Variants in RNF111 observed in about 807,000 individuals in gnomAD.
The protein encoded by RNF111 is E3 ubiquitin-protein ligase Arkadia.
In RNF111, 17 loss-of-function variants were observed where a neutral mutation model predicts 95.1. The observed-to-expected ratio is 0.18, with a 90% CI of 0.12 to 0.27. The LOEUF (loss-of-function observed/expected upper bound fraction) is 0.27. Ranked by LOEUF, RNF111 falls within the 10% of genes least tolerant of loss-of-function variation. RNF111 has a pLI of 1.00. For synonymous variants in RNF111, 440 were observed against 414.8 expected, an observed-to-expected ratio of 1.06 and a Z score of -0.74; for missense variants, 1,189 against 1,210.4, an observed-to-expected ratio of 0.98 and a Z score of 0.26.
intron 6 of RNF111, among the ~76,000 whole-genome samples, chr15:59,075,448 G>T (rs1430695400): frequency 1.3e-5 from 2 of 152,174 alleles, no homozygotes; most frequent in East Asian, 3.8e-4. Context: ...GAATAATGTA[G>T]ATTTGTTTAT....
At chr15:59,078,375 G>A (rs1195434778) in intron 7 of RNF111, among the ~76,000 whole-genome samples, 2 of 152,044 alleles carry the variant, frequency 1.3e-5, no homozygotes, top group African/African-American at 2.4e-5. Flanking sequence ...TTAATAAGAT[G>A]TATTGAGAAG....
intron 1 of RNF111, among the ~76,000 whole-genome samples, chr15:59,007,257 C>T (rs908161026): frequency 1.3e-5 from 2 of 151,898 alleles, no homozygotes; most frequent in African/African-American, 4.8e-5. Context: ...GAAGACACAA[C>T]CAATGTTCAA....
chr15:59,089,644 G>A, intron 10 of RNF111, 23 bp from the exon 11 acceptor site: 1 of 1,536,844 alleles, frequency 6.5e-7, no homozygotes, highest in East Asian at 2.2e-5. Flanking sequence ...AATTGATTTA[G>A]CCTATCTCTT....
chr15:59,043,622 T>C (rs1655841612), intron 2 of RNF111, among the ~76,000 whole-genome samples: 1 of 152,202 alleles, frequency 6.6e-6, no homozygotes, highest in Non-Finnish European at 1.5e-5. Flanking sequence ...GTATTTGCTA[T>C]TGTGAAAATG....
intron 2 of RNF111, among the ~76,000 whole-genome samples, chr15:59,041,236 T>A (rs1226821576): frequency 3.9e-5 from 6 of 152,198 alleles, no homozygotes; most frequent in Admixed American, 1.3e-4. Context: ...GACTTTTTTT[T>A]ATTATTTTAA....
At chr15:59,013,324 A>G (rs1412857740) in intron 1 of RNF111, among the ~76,000 whole-genome samples, 2 of 152,208 alleles carry the variant, frequency 1.3e-5, no homozygotes, top group African/African-American at 4.8e-5. Context: ...AGAGACCCAC[A>G]TTGATACATC....
intron 2 of RNF111, 137 bp downstream of exon 2, chr15:59,031,839 A>G: frequency 1.3e-6 from 1 of 760,678 alleles, no homozygotes; most frequent in Non-Finnish European, 2.1e-6. Flanking sequence ...CATATAAATT[A>G]CCAATTGCAG....
intron 3 of RNF111, among the ~76,000 whole-genome samples, chr15:59,052,732 C>T (rs1426538001): frequency 6.6e-6 from 1 of 151,830 alleles, no homozygotes; most frequent in East Asian, 1.9e-4. Context: ...CTTTTCAAAG[C>T]AGGCTGCATT....
chr15:59,079,572 A>G (rs2078674649), intron 7 of RNF111, among the ~76,000 whole-genome samples: 1 of 152,228 alleles, frequency 6.6e-6, no homozygotes, highest in African/African-American at 2.4e-5. Context: ...CTGTAATGAA[A>G]CTAGAGAATG....
chr15:59,061,096 C>G (rs2042416828), intron 5 of RNF111, among the ~76,000 whole-genome samples: 1 of 152,140 alleles, frequency 6.6e-6, no homozygotes, highest in Non-Finnish European at 1.5e-5. Context: ...CACCCTCGGC[C>G]TATGTGTAGC....
At chr15:59,028,999 C>T (rs1452696482) in intron 1 of RNF111, among the ~76,000 whole-genome samples, 6 of 152,014 alleles carry the variant, frequency 3.9e-5, no homozygotes, top group African/African-American at 9.7e-5. Flanking sequence ...AGGCTGATCT[C>T]GAACTCCTGG....
At chr15:59,092,791 T>G in intron 13 of RNF111, 151 bp downstream of exon 13, 1 of 657,932 alleles carries the variant, frequency 1.5e-6, no homozygotes, top group Non-Finnish European at 2.4e-6. Flanking sequence ...GCCAGGAGTT[T>G]GAGGCCAACC....
intron 1 of RNF111, among the ~76,000 whole-genome samples, chr15:59,018,265 A>C (rs1328923485): frequency 4.6e-5 from 7 of 152,186 alleles, no homozygotes; most frequent in African/African-American, 1.7e-4. Flanking sequence ...CACATTTGAC[A>C]ATTCCATTCA....
At chr15:58,999,958 C>G (rs1160988821) in intron 1 of RNF111, among the ~76,000 whole-genome samples, 9 of 152,086 alleles carry the variant, frequency 5.9e-5, no homozygotes, top group African/African-American at 1.4e-4. Context: ...ATAATGAGAA[C>G]AGCACCAAAG....
chr15:59,033,223 C>G (rs940338508), intron 2 of RNF111, among the ~76,000 whole-genome samples: 3 of 152,186 alleles, frequency 2.0e-5, no homozygotes, highest in Non-Finnish European at 2.9e-5. Flanking sequence ...GCCTGCTAGT[C>G]TACTTTTGGA....
chr15:59,024,270 G>C (rs778417951), intron 1 of RNF111, among the ~76,000 whole-genome samples: 8 of 152,070 alleles, frequency 5.3e-5, no homozygotes, highest in African/African-American at 1.9e-4. Context: ...TATGGCAGTT[G>C]TGTTTTACTT....
intron 13 of RNF111, chr15:59,093,362 C>CTTGGGGTTTTTTTTTTTT: frequency 8.4e-6 from 1 of 118,432 alleles, no homozygotes; most frequent in South Asian, 5.8e-5. Flanking sequence ...TTTTTTTTTT[C>CTTGGGGTTTTTTTTTTTT]CTTTTCTGGG....
At chr15:59,080,338 C>T (rs757263858) in intron 7 of RNF111, among the ~76,000 whole-genome samples, 3 of 152,160 alleles carry the variant, frequency 2.0e-5, no homozygotes, top group South Asian at 2.1e-4. Flanking sequence ...CCAGGCTGGT[C>T]TCGAACTCCT....
intron 1 of RNF111, among the ~76,000 whole-genome samples, chr15:59,010,468 C>T (rs1197174226): frequency 6.6e-6 from 1 of 151,908 alleles, no homozygotes; most frequent in South Asian, 2.1e-4. Context: ...GTGGTGTGAT[C>T]TCAGCTCACT....
Sources: gnomAD v4.1 joint callset for allele counts (sites outside exome capture counted in the v4.1 genomes callset) on GRCh38, gnomAD v4.1.1 for gene constraint, MANE v1.5 for transcripts, NCBI Gene and HGNC (gene_info 2026-07-23, HGNC 2026-07-21) for gene names.